The following PRPF18 variants were observed in gnomAD, a reference collection of about 807,000 sequenced individuals.
The protein encoded by PRPF18 is pre-mRNA processing factor 18, also known as pre-mRNA-splicing factor 18.
Under a neutral mutation model 46.5 loss-of-function variants are expected in PRPF18, and 38 were observed. The ratio of observed to expected loss-of-function variants is 0.82; its 90% confidence interval spans 0.63 to 1.07. The LOEUF is 1.07. Among genes scored for constraint, PRPF18 ranks in the 50% least tolerant of loss-of-function variants. PRPF18 has a pLI of 0.00. For missense variants in PRPF18, 263 were observed against 410.0 expected (o/e 0.64, Z 3.10); for synonymous variants, 152 against 146.7 (o/e 1.04, Z -0.26).
At chr10:13,654,452 G>C in the PRPF18 span, 9 of 1,609,604 alleles carry the variant, frequency 5.6e-6, no homozygotes, top group Non-Finnish European at 7.7e-6. Flanking sequence ...GGGGCTGCTT[G>C]GGGGGGTGGC....
downstream of PRPF18, among the ~76,000 whole-genome samples, chr10:13,633,738 C>A (rs1055222886): frequency 3.3e-5 from 5 of 152,318 alleles, no homozygotes; most frequent in African/African-American, 1.2e-4. Context: ...CTCCTTCCCC[C>A]AGTATACTCC....
At chr10:13,630,211 A>G in intron 9 of PRPF18, 49 bp from the exon 10 acceptor site, 1 of 1,427,882 alleles carries the variant, frequency 7.0e-7, no homozygotes, top group Non-Finnish European at 9.9e-7. Flanking sequence ...GGCAGTTAAG[A>G]ATAATTTAAC....
In PRPF18 at chr10:13,613,829, A is replaced by G; in HGVS notation, c.668A>G (p.Gln223Arg). 6.2e-7 allele frequency: 1 copy of G among 1,614,076 alleles called. No individual in the cohort carries two copies. The highest frequency in any genetic ancestry group is 8.5e-7 in the Non-Finnish European group (1 of 1,179,996). Residue 223 changes from glutamine to arginine, a missense_variant, in exon 7 of 10, where the codon CAG (glutamine) becomes CGG (arginine). By Grantham distance (43) the Gln-to-Arg change is conservative. Transcript: ENST00000378572. The stretch of plus-strand genomic sequence containing the variant: ...CAGGGTAAACTGAACAGTGCGACCC[A>G]GAAACAGACCGAGTCCTACCTAAGA... ...SVQGKLNSAT[Q>R]KQTESYLRPL...
At chr10:13,606,749 A>AAAAAAG (rs1240260245) in intron 4 of PRPF18, among the ~76,000 whole-genome samples, 4 of 150,490 alleles carry the variant, frequency 2.7e-5, no homozygotes, top group Non-Finnish European at 5.9e-5. Context: ...AAAAAAAAAA[A>AAAAAAG]AAAAAAAAAC....
At chr10:13,610,914 C>T (rs766779730) in intron 5 of PRPF18, among the ~76,000 whole-genome samples, 9 of 152,284 alleles carry the variant, frequency 5.9e-5, no homozygotes, top group Non-Finnish European at 1.2e-4. Context: ...TATAGTGCTG[C>T]TTTTGGAGTG....
At chr10:13,649,881 C>T in the PRPF18 span, among the ~76,000 whole-genome samples, 1 of 152,172 alleles carries the variant, frequency 6.6e-6, no homozygotes, top group African/African-American at 2.4e-5. Context: ...AACCTAAAAA[C>T]CTAAGTCAGT....
chr10:13,655,740 C>T, the PRPF18 span: 2 of 152,172 alleles, frequency 1.3e-5, no homozygotes, highest in African/African-American at 4.8e-5. Context: ...CAGAGTTCCT[C>T]CCATTTGCTT....
chr10:13,647,971 C>A, the PRPF18 span: 3 of 152,026 alleles, frequency 2.0e-5, no homozygotes, highest in Non-Finnish European at 4.4e-5. Context: ...GGACCCTAAC[C>A]CAAAGTAGTT....
rs748188634 is a variant in PRPF18 at position 13,613,710 on chromosome 10, T to G, written c.580-31T>G. On this transcript the variant is annotated intron_variant, in intron 6 of 9. Coordinates refer to ENST00000378572, the MANE Select transcript of PRPF18 (RefSeq NM_003675.4). The stretch of plus-strand genomic sequence containing the variant: ...GATGTACTGAACCACTGGGTGGCAT[T>G]GTAGTCTAAGTTTACCCATCCTTTC... 5 of 1,602,944 alleles carry G rather than the reference T, an allele frequency of 3.1e-6. No homozygotes were observed. In the Admixed American group the frequency reaches 8.7e-5, roughly 28 times the overall value.
the PRPF18 span, chr10:13,654,474 T>C: frequency 6.2e-7 from 1 of 1,614,000 alleles, no homozygotes; most frequent in South Asian, 1.1e-5. Context: ...CCAATTTCAC[T>C]TGACGGTGTC....
At chr10:13,651,925 G>A in the PRPF18 span, 1 of 1,587,430 alleles carries the variant, frequency 6.3e-7, no homozygotes, top group Non-Finnish European at 8.7e-7. Flanking sequence ...GTACTTTGGT[G>A]AGGTGGAGAC....
At chr10:13,623,405 T>C (rs765522745) in intron 9 of PRPF18, among the ~76,000 whole-genome samples, 7 of 152,200 alleles carry the variant, frequency 4.6e-5, no homozygotes, top group Non-Finnish European at 7.4e-5. Flanking sequence ...TGCATTATTA[T>C]GTTAGAACTT....
At chr10:13,603,114 C>G (rs2080136899) in intron 3 of PRPF18, among the ~76,000 whole-genome samples, 1 of 152,204 alleles carries the variant, frequency 6.6e-6, no homozygotes, top group South Asian at 2.1e-4. Flanking sequence ...TTTGTGAGAT[C>G]CATCATTAGT....
chr10:13,587,397 A>C (rs1026549767), intron 1 of PRPF18, among the ~76,000 whole-genome samples: 1 of 152,216 alleles, frequency 6.6e-6, no homozygotes, highest in South Asian at 2.1e-4. Context: ...AAGCTGGATC[A>C]AAAGGAAAAC....
chr10:13,637,857 T>C, the PRPF18 span: 1 of 152,250 alleles, frequency 6.6e-6, no homozygotes, highest in Non-Finnish European at 1.5e-5. Flanking sequence ...TGTTAACTGT[T>C]GTATTGGATT....
At chr10:13,600,408 C>G in intron 3 of PRPF18, 60 bp downstream of exon 3, 1 of 1,261,428 alleles carries the variant, frequency 7.9e-7, no homozygotes, top group Non-Finnish European at 1.1e-6. Context: ...ACATTTATCT[C>G]CAGCTTTTCC....
At chr10:13,621,101 T>G (rs1389879784) in intron 9 of PRPF18, among the ~76,000 whole-genome samples, 1 of 152,222 alleles carries the variant, frequency 6.6e-6, no homozygotes, top group Non-Finnish European at 1.5e-5. Context: ...CATTCCCAGA[T>G]AGCTCTTGAA....
At chr10:13,648,925 A>G in the PRPF18 span, among the ~76,000 whole-genome samples, 3 of 152,162 alleles carry the variant, frequency 2.0e-5, no homozygotes, top group African/African-American at 7.2e-5. Flanking sequence ...TCTGAGGGGA[A>G]AAAAAGCTTC....
chr10:13,593,998 A>G (rs1407959740), intron 1 of PRPF18, among the ~76,000 whole-genome samples: 4 of 152,226 alleles, frequency 2.6e-5, no homozygotes, highest in African/African-American at 9.6e-5. Flanking sequence ...TGTTTTGCGC[A>G]TGCTATAGGC....
Sources: gnomAD v4.1 joint callset for allele counts (sites outside exome capture counted in the v4.1 genomes callset) on GRCh38, gnomAD v4.1.1 for gene constraint, MANE v1.5 for transcripts, NCBI Gene and HGNC (gene_info 2026-07-23, HGNC 2026-07-21) for gene names.